The following CATSPERD variants were observed in gnomAD, a reference collection of about 807,000 sequenced individuals.
CATSPERD encodes catsper channel auxiliary subunit delta, also known as cation channel sperm-associated auxiliary subunit delta.
In CATSPERD, 86 loss-of-function variants were observed where a neutral mutation model predicts 98.1. The ratio of observed to expected loss-of-function variants is 0.88; its 90% CI spans 0.74 to 1.05. The LOEUF is 1.05. Among genes scored for constraint, CATSPERD ranks in the 50% least tolerant of loss-of-function variants. The probability of loss-of-function intolerance (pLI) is 0.00; values close to 1 mark genes in which losing one functional copy is unlikely to be tolerated. For missense variants in CATSPERD, 995 were observed against 1,005.7 expected, an observed-to-expected ratio of 0.99 and a Z score of 0.14; for synonymous variants, 394 against 390.2, an observed-to-expected ratio of 1.01 and a Z score of -0.12.
intron 16 of CATSPERD, 91 bp downstream of exon 16, chr19:5,763,384 G>A (rs1180905997): frequency 1.0e-6 from 1 of 970,430 alleles, no homozygotes; most frequent in Admixed American, 1.9e-5. Context: ...AGCTGAGATA[G>A]TGCCACTGCA....
At chr19:5,722,689 G>A (rs2055515583) in intron 1 of CATSPERD, among the ~76,000 whole-genome samples, 2 of 151,254 alleles carry the variant, frequency 1.3e-5, no homozygotes, top group South Asian at 4.2e-4. Context: ...TACTGAGTCG[G>A]GGACTTGGCA....
intron 14 of CATSPERD, among the ~76,000 whole-genome samples, chr19:5,758,487 A>G (rs142237180): frequency 1.7e-4 from 25 of 150,678 alleles, no homozygotes; most frequent in African/African-American, 5.6e-4. Context: ...CAGCACTTTG[A>G]GAGGCCAAGG....
chr19:5,766,510 G>T (rs2056542078), intron 17 of CATSPERD, among the ~76,000 whole-genome samples: 2 of 151,930 alleles, frequency 1.3e-5, no homozygotes, highest in Admixed American at 1.3e-4. Context: ...TGAGGAGAGG[G>T]GAGGAGAGTA....
At chr19:5,720,898 T>G (rs563794699) in intron 1 of CATSPERD, 90 bp downstream of exon 1, 2 of 994,792 alleles carry the variant, frequency 2.0e-6, no homozygotes, top group Admixed American at 5.2e-5. Flanking sequence ...CTCCCCAACC[T>G]CACTGAGGCT....
intron 5 of CATSPERD, among the ~76,000 whole-genome samples, chr19:5,736,072 C>T (rs904077073): frequency 7.9e-5 from 12 of 151,680 alleles, no homozygotes; most frequent in Non-Finnish European, 1.5e-4. Context: ...CCACTGTGCC[C>T]GGCCTAATTT....
intron 1 of CATSPERD, among the ~76,000 whole-genome samples, chr19:5,723,540 C>T (rs1224916012): frequency 1.3e-5 from 2 of 149,390 alleles, no homozygotes; most frequent in East Asian, 2.0e-4. Context: ...TCTCGGCTCA[C>T]TGCAAGCTCT....
chr19:5,768,498 G>A (rs1033286185), intron 18 of CATSPERD, among the ~76,000 whole-genome samples: 1 of 151,800 alleles, frequency 6.6e-6, no homozygotes, highest in Non-Finnish European at 1.5e-5. Context: ...CACCAGGCAC[G>A]GCTAATTTGT....
rs554356796 is a variant in CATSPERD at position 5,778,412 on chromosome 19, G to A, written c.2133G>A (p.Val711=). 1 of 1,613,562 alleles carries A rather than the reference G, an allele frequency of 6.2e-7. No homozygotes were observed. Among genetic ancestry groups the A allele is most frequent in the Admixed American group, 1.7e-5 (1 of 59,972 alleles). Residue 711 remains valine (V), a synonymous_variant, in exon 22 of 22, where the codon GTG becomes GTA. Transcript: ENST00000381624. The part of the protein sequence containing the change: ...CQLETIFSIY[V]YGAFPVQLVS... ...TGGAGACCATCTTTAGCATCTACGTGTATGGAGCATTCCCCGTGCAGCTGG... is the reference window on the plus strand; with the variant it reads ...TGGAGACCATCTTTAGCATCTACGTATATGGAGCATTCCCCGTGCAGCTGG...
intron 16 of CATSPERD, among the ~76,000 whole-genome samples, chr19:5,765,639 C>T (rs537035332): frequency 1.3e-5 from 2 of 151,772 alleles, no homozygotes; most frequent in Non-Finnish European, 2.9e-5. Context: ...TGATGAAACC[C>T]CGTCTCTACT....
rs371474463 is a variant in CATSPERD at position 5,759,170 on chromosome 19, G to A, written c.1427+26G>A. ...GTATGTTGTCTCCTGGGAGAGGCGG[G>A]GACTGGGCTGCCTACAGGGGTTTCC... On this transcript the variant is annotated intron_variant, in intron 15 of 21. Coordinates refer to ENST00000381624, the MANE Select transcript of CATSPERD (RefSeq NM_152784.4). The A allele has an allele frequency of 2.3e-5, 37 of 1,608,490 alleles. No homozygotes were observed. In the African/African-American group the frequency reaches 3.6e-4, roughly 16 times the overall value.
intron 20 of CATSPERD, 90 bp downstream of exon 20, chr19:5,773,055 G>C: frequency 7.4e-7 from 1 of 1,347,528 alleles, no homozygotes. Context: ...CCATGGAACT[G>C]AGTATGGAAT....
At chr19:5,758,384 G>A (rs751390604) in intron 14 of CATSPERD, among the ~76,000 whole-genome samples, 6 of 151,994 alleles carry the variant, frequency 3.9e-5, no homozygotes, top group Non-Finnish European at 8.8e-5. Context: ...TATTGGGGCC[G>A]TTGTTTCTGT....
intron 8 of CATSPERD, 67 bp downstream of exon 8, chr19:5,744,577 T>C (rs1230861118): frequency 9.3e-7 from 1 of 1,076,648 alleles, no homozygotes; most frequent in Non-Finnish European, 1.4e-6. Context: ...TTGTTACAAC[T>C]CGCACATTTT....
intron 18 of CATSPERD, among the ~76,000 whole-genome samples, chr19:5,769,314 A>AAAAT (rs35594514): frequency 7.5e-6 from 1 of 132,940 alleles, no homozygotes. Flanking sequence ...AAAAAAAAAA[A>AAAAT]GAGGGTGGTG....
intron 3 of CATSPERD, 75 bp from the exon 4 acceptor site, chr19:5,729,797 T>C (rs1378578115): frequency 1.1e-6 from 1 of 872,026 alleles, no homozygotes; most frequent in Non-Finnish European, 1.8e-6. Flanking sequence ...GGAGACATTT[T>C]AGAGTACCTC....
intron 7 of CATSPERD, among the ~76,000 whole-genome samples, chr19:5,744,075 G>C (rs2056048971): frequency 6.6e-6 from 1 of 152,070 alleles, no homozygotes; most frequent in Non-Finnish European, 1.5e-5. Flanking sequence ...TGCCTCCCGG[G>C]TTCAAGTGAT....
intron 7 of CATSPERD, among the ~76,000 whole-genome samples, chr19:5,742,298 G>A (rs567229035): frequency 3.3e-4 from 38 of 114,542 alleles, no homozygotes; most frequent in Admixed American, 2.1e-3. Context: ...GCGTGTGTAC[G>A]TATGTGAATG....
At chr19:5,758,468 C>A (rs2056368700) in intron 14 of CATSPERD, among the ~76,000 whole-genome samples, 1 of 151,698 alleles carries the variant, frequency 6.6e-6, no homozygotes, top group Non-Finnish European at 1.5e-5. Context: ...TGGCTCACGC[C>A]TGGAATCCCA....
chr19:5,763,041 G>T (rs963349450), intron 15 of CATSPERD, among the ~76,000 whole-genome samples, 174 bp from the exon 16 acceptor site: 1 of 151,588 alleles, frequency 6.6e-6, no homozygotes, highest in African/African-American at 2.4e-5. Flanking sequence ...GAGATGGAAG[G>T]GTGGATGGAT....
Sources: gnomAD v4.1 joint callset for allele counts (sites outside exome capture counted in the v4.1 genomes callset) on GRCh38, gnomAD v4.1.1 for gene constraint, MANE v1.5 for transcripts, NCBI Gene and HGNC (gene_info 2026-07-23, HGNC 2026-07-21) for gene names.